The following PPP1R36 variants were observed in gnomAD, a reference collection of about 807,000 sequenced individuals.
The protein encoded by PPP1R36 is protein phosphatase 1 regulatory subunit 36.
In PPP1R36, 47 loss-of-function variants were observed where a neutral mutation model predicts 53.4. The ratio of observed to expected loss-of-function variants is 0.88; its 90% CI spans 0.70 to 1.12. The LOEUF is 1.12. PPP1R36 is among the 50% of genes most tolerant of loss of function. PPP1R36 has a pLI of 0.00. For synonymous variants in PPP1R36, 153 were observed against 170.5 expected, an observed-to-expected ratio of 0.90 and a Z score of 0.80; for missense variants, 456 against 513.9, an observed-to-expected ratio of 0.89 and a Z score of 1.09.
intron 3 of PPP1R36, among the ~76,000 whole-genome samples, chr14:64,557,328 T>C (rs1596725257): frequency 6.6e-6 from 1 of 152,158 alleles, no homozygotes; most frequent in Non-Finnish European, 1.5e-5. Context: ...TATTTCAGTA[T>C]GTATCTCAAA....
At chr14:64,571,209 T>C (rs2080300807) in intron 7 of PPP1R36, among the ~76,000 whole-genome samples, 1 of 152,176 alleles carries the variant, frequency 6.6e-6, no homozygotes, top group Admixed American at 6.5e-5. Context: ...CACTGTAACC[T>C]CTGCCTCCCG....
At chr14:64,561,954 G>A (rs1285753999) in intron 3 of PPP1R36, 1 of 394,236 alleles carries the variant, frequency 2.5e-6, no homozygotes, top group African/African-American at 2.1e-5. Context: ...TGGAAGCCAA[G>A]AGTGGTCCAG....
chr14:64,556,398 C>A (rs1228436247), intron 3 of PPP1R36, among the ~76,000 whole-genome samples: 10 of 152,014 alleles, frequency 6.6e-5, no homozygotes, highest in Admixed American at 2.6e-4. Context: ...CCACTGTACC[C>A]TGCCTTGCAG....
chr14:64,554,300 T>A (rs573219436), intron 3 of PPP1R36, among the ~76,000 whole-genome samples: 9 of 151,928 alleles, frequency 5.9e-5, no homozygotes, highest in African/African-American at 2.2e-4. Context: ...TACTGGCATG[T>A]GCCACCACAC....
chr14:64,557,413 G>A, intron 3 of PPP1R36, among the ~76,000 whole-genome samples: 1 of 152,108 alleles, frequency 6.6e-6, no homozygotes. Flanking sequence ...AGAAGAAGGG[G>A]AAAGAGAAGG....
chr14:64,569,699 T>A (rs1329774812), intron 7 of PPP1R36, among the ~76,000 whole-genome samples: 1 of 152,140 alleles, frequency 6.6e-6, no homozygotes. Flanking sequence ...CTGAGGCTTA[T>A]TGCTAATCTG....
intron 7 of PPP1R36, among the ~76,000 whole-genome samples, chr14:64,571,939 C>T (rs1424392011): frequency 6.6e-6 from 1 of 152,138 alleles, no homozygotes; most frequent in African/African-American, 2.4e-5. Flanking sequence ...ATGGGAAAGA[C>T]CCGCCACGAT....
intron 3 of PPP1R36, among the ~76,000 whole-genome samples, chr14:64,563,226 C>T (rs930801668): frequency 2.0e-5 from 3 of 152,038 alleles, no homozygotes; most frequent in African/African-American, 7.2e-5. Context: ...GGCTAGAGTG[C>T]AGTGGTGTGA....
At chr14:64,568,126 T>C (rs1189791095) in intron 6 of PPP1R36, among the ~76,000 whole-genome samples, 1 of 152,194 alleles carries the variant, frequency 6.6e-6, no homozygotes, top group Non-Finnish European at 1.5e-5. Flanking sequence ...AAGAATTTAG[T>C]GTTTGACCTC....
chr14:64,559,754 C>G (rs1158699015), intron 3 of PPP1R36, among the ~76,000 whole-genome samples: 1 of 152,170 alleles, frequency 6.6e-6, no homozygotes, highest in Admixed American at 6.5e-5. Context: ...GGAATTGGAA[C>G]TTTATTTAGA....
intron 3 of PPP1R36, among the ~76,000 whole-genome samples, chr14:64,563,597 A>C (rs1425535289): frequency 6.6e-6 from 1 of 152,230 alleles, no homozygotes; most frequent in Non-Finnish European, 1.5e-5. Context: ...AAGAAGAAGA[A>C]AGTACCAAGC....
intron 3 of PPP1R36, among the ~76,000 whole-genome samples, chr14:64,563,209 C>A (rs2080219882): frequency 6.6e-6 from 1 of 152,094 alleles, no homozygotes; most frequent in African/African-American, 2.4e-5. Flanking sequence ...ACTCTGTCAC[C>A]TAGGCTGGCT....
intron 3 of PPP1R36, 176 bp downstream of exon 3, chr14:64,553,037 T>C: frequency 1.8e-6 from 1 of 542,208 alleles, no homozygotes; most frequent in Non-Finnish European, 3.3e-6. Flanking sequence ...AGTGGCATGA[T>C]CTTGGCTCAC....
At chr14:64,564,573 T>C (rs1228124517) in intron 3 of PPP1R36, among the ~76,000 whole-genome samples, 178 bp from the exon 4 acceptor site, 1 of 152,238 alleles carries the variant, frequency 6.6e-6, no homozygotes, top group Non-Finnish European at 1.5e-5. Context: ...ATGTAAAGTC[T>C]GAAGTTTTAA....
chr14:64,585,693 T>A (rs1366655163), intron 8 of PPP1R36, among the ~76,000 whole-genome samples: 1 of 152,118 alleles, frequency 6.6e-6, no homozygotes, highest in Non-Finnish European at 1.5e-5. Flanking sequence ...AAGGCTATAG[T>A]GAGCTATGAT....
intron 8 of PPP1R36, chr14:64,586,298 G>A (rs2080433234): frequency 6.6e-6 from 1 of 152,342 alleles, no homozygotes; most frequent in Non-Finnish European, 1.5e-5. Context: ...CATTGAATTT[G>A]TGTTGCAAGG....
intron 7 of PPP1R36, among the ~76,000 whole-genome samples, chr14:64,570,066 A>G (rs2080291139): frequency 2.0e-5 from 3 of 152,158 alleles, no homozygotes; most frequent in Admixed American, 1.3e-4. Context: ...AGAATAGATA[A>G]TAAGACAGGT....
rs1401418626 is a variant in PPP1R36, at chr14:64,586,822, CTT to C, written c.669-14_669-13del. The C allele has an allele frequency of 6.3e-7, 1 of 1,597,504 alleles. No individual in the cohort carries two copies. The highest frequency in any genetic ancestry group is 2.2e-5 in the East Asian group (1 of 44,746). Reference sequence around the variant, plus strand: ...CTTCCCTCTCAACCTATAGTTGTGACTTGTTATATTACAGGGAGAAAATATCA... The same window carrying C: ...CTTCCCTCTCAACCTATAGTTGTGACGTTATATTACAGGGAGAAAATATCA... On this transcript the variant is annotated splice_polypyrimidine_tract_variant and intron_variant, in intron 8 of 11. Transcript: ENST00000298705.
intron 7 of PPP1R36, among the ~76,000 whole-genome samples, chr14:64,568,791 AT>A (rs949587571): frequency 1.3e-5 from 2 of 152,228 alleles, no homozygotes; most frequent in Non-Finnish European, 2.9e-5. Context: ...GATGCAAAAA[AT>A]ATTATCATGC....
Sources: allele counts gnomAD v4.1 joint callset (sites outside exome capture counted in the v4.1 genomes callset), GRCh38; gene constraint gnomAD v4.1.1; transcripts MANE v1.5; gene names NCBI Gene and HGNC (gene_info 2026-07-23, HGNC 2026-07-21).